LINGO2: variants seen among roughly 807,000 people sequenced by gnomAD.
LINGO2 encodes the protein leucine-rich repeat and immunoglobulin-like domain-containing nogo receptor-interacting protein 2.
LINGO2 carries 14 observed loss-of-function variants against 30.6 expected under a neutral mutation model. The ratio of observed to expected loss-of-function variants is 0.46; its 90% CI spans 0.30 to 0.72. LINGO2 has a LOEUF of 0.72. Ranked by LOEUF, LINGO2 falls within the 30% of genes least tolerant of loss-of-function variation. The probability of loss-of-function intolerance (pLI) is 0.07; values close to 1 mark genes in which losing one functional copy is unlikely to be tolerated. For missense variants in LINGO2, 729 were observed against 751.7 expected, an observed-to-expected ratio of 0.97 and a Z score of 0.35; for synonymous variants, 317 against 288.5, an observed-to-expected ratio of 1.10 and a Z score of -1.00.
intron 1 of LINGO2, among the ~76,000 whole-genome samples, chr9:28,531,272 A>G (rs962228620): frequency 6.6e-6 from 1 of 152,076 alleles, no homozygotes; most frequent in Non-Finnish European, 1.5e-5. Flanking sequence ...TTTTACAAGT[A>G]TCCCAGGGCC....
At chr9:28,925,932 C>T in the LINGO2 span, among the ~76,000 whole-genome samples, 1 of 152,114 alleles carries the variant, frequency 6.6e-6, no homozygotes, top group Non-Finnish European at 1.5e-5. Flanking sequence ...TAGTCTCACC[C>T]CTGAGTGGGA....
chr9:28,782,494 G>A, the LINGO2 span, among the ~76,000 whole-genome samples: 2 of 152,144 alleles, frequency 1.3e-5, no homozygotes, highest in Non-Finnish European at 1.5e-5. Context: ...GATAACAAGA[G>A]TATGAGAGAG....
At chr9:28,236,907 A>C (rs1447974614) in intron 4 of LINGO2, among the ~76,000 whole-genome samples, 1 of 152,146 alleles carries the variant, frequency 6.6e-6, no homozygotes, top group Non-Finnish European at 1.5e-5. Context: ...ATTGTTTGTA[A>C]CACAAAGGAC....
chr9:28,873,363 G>A, the LINGO2 span, among the ~76,000 whole-genome samples: 6 of 139,668 alleles, frequency 4.3e-5, no homozygotes, highest in African/African-American at 1.6e-4. Context: ...CTGGATGACA[G>A]AGAGAGACTC....
At chr9:28,940,027 A>G in the LINGO2 span, among the ~76,000 whole-genome samples, 2 of 152,218 alleles carry the variant, frequency 1.3e-5, no homozygotes, top group Non-Finnish European at 2.9e-5. Context: ...ATATAATTAT[A>G]AAAATAATTT....
intron 2 of LINGO2, among the ~76,000 whole-genome samples, chr9:28,408,787 AC>A (rs200984102): frequency 0.15 from 9,891 of 65,798 alleles, 403 homozygotes; most frequent in Admixed American, 0.27. Context: ...AAAAAAAAAA[AC>A]AAAAAAAAAC....
chr9:28,047,104 A>G (rs978768574), intron 4 of LINGO2, among the ~76,000 whole-genome samples: 1 of 152,156 alleles, frequency 6.6e-6, no homozygotes, highest in African/African-American at 2.4e-5. Context: ...TAAGAGAGCA[A>G]TCAGTGGCTT....
At chr9:29,093,033 A>G in the LINGO2 span, among the ~76,000 whole-genome samples, 1,054 of 114,600 alleles carry the variant, frequency 9.2e-3, 179 homozygotes, top group Non-Finnish European at 0.015. Context: ...GTGTGTGTAT[A>G]TATATATATA....
intron 2 of LINGO2, among the ~76,000 whole-genome samples, chr9:28,464,535 C>T (rs1162884216): frequency 6.6e-6 from 1 of 152,084 alleles, no homozygotes; most frequent in Non-Finnish European, 1.5e-5. Context: ...AATGTTCCTG[C>T]TTTGAAAGCC....
chr9:28,835,634 G>A, the LINGO2 span, among the ~76,000 whole-genome samples: 2 of 152,168 alleles, frequency 1.3e-5, no homozygotes, highest in African/African-American at 4.8e-5. Context: ...TGGAAATGGG[G>A]TTGAGAGCCA....
intron 1 of LINGO2, among the ~76,000 whole-genome samples, chr9:28,662,687 T>C (rs1368501962): frequency 6.6e-6 from 1 of 152,144 alleles, no homozygotes; most frequent in Non-Finnish European, 1.5e-5. Context: ...ACAATGACAG[T>C]ATTCATTTTG....
the LINGO2 span, among the ~76,000 whole-genome samples, chr9:28,736,428 A>T: frequency 6.6e-6 from 1 of 152,182 alleles, no homozygotes; most frequent in Admixed American, 6.5e-5. Context: ...AACACCTTCT[A>T]TAAACTCTCT....
intron 3 of LINGO2, among the ~76,000 whole-genome samples, chr9:28,338,051 A>G (rs1366890431): frequency 6.6e-6 from 1 of 152,180 alleles, no homozygotes; most frequent in Non-Finnish European, 1.5e-5. Context: ...GAAAAGCCAC[A>G]GAAACTCAAT....
the LINGO2 span, among the ~76,000 whole-genome samples, chr9:28,699,643 T>A: frequency 6.6e-6 from 1 of 152,080 alleles, no homozygotes; most frequent in Non-Finnish European, 1.5e-5. Flanking sequence ...CCATATTTTT[T>A]CTTCTTGCAG....
At chr9:28,942,141 T>C in the LINGO2 span, among the ~76,000 whole-genome samples, 6 of 152,202 alleles carry the variant, frequency 3.9e-5, no homozygotes, top group East Asian at 1.9e-4. Context: ...AGAGGAGCTA[T>C]TGTGAAAGGA....
At chr9:29,154,924 C>A in the LINGO2 span, among the ~76,000 whole-genome samples, 2 of 152,168 alleles carry the variant, frequency 1.3e-5, no homozygotes, top group African/African-American at 2.4e-5. Context: ...ACTCTACAGT[C>A]CCACTGACTG....
chr9:28,496,332 A>G (rs1481317242), intron 1 of LINGO2, among the ~76,000 whole-genome samples: 1 of 152,064 alleles, frequency 6.6e-6, no homozygotes, highest in Non-Finnish European at 1.5e-5. Flanking sequence ...TGCTTTATGA[A>G]TCTGGGTGCT....
chr9:28,047,230 T>TG (rs1824464538), intron 4 of LINGO2, among the ~76,000 whole-genome samples: 1 of 152,134 alleles, frequency 6.6e-6, no homozygotes, highest in African/African-American at 2.4e-5. Flanking sequence ...AACAAATCTT[T>TG]GGCTACCCAC....
At chr9:27,983,995 T>C (rs751845712) in intron 5 of LINGO2, among the ~76,000 whole-genome samples, 4 of 151,558 alleles carry the variant, frequency 2.6e-5, no homozygotes, top group African/African-American at 7.3e-5. Flanking sequence ...AGGGGCAGAG[T>C]AGAGGACGAA....
Sources: allele counts gnomAD v4.1 joint callset (sites outside exome capture counted in the v4.1 genomes callset), GRCh38; gene constraint gnomAD v4.1.1; transcripts MANE v1.5; gene names NCBI Gene and HGNC (gene_info 2026-07-23, HGNC 2026-07-21).